Variants in LRRC36 observed in about 807,000 individuals in gnomAD.
LRRC36 encodes the protein leucine-rich repeat-containing protein 36.
LRRC36 carries 62 observed loss-of-function variants against 81.1 expected under a neutral mutation model. The observed-to-expected ratio is 0.76, with a 90% CI of 0.62 to 0.94. LRRC36 has a LOEUF of 0.94. Among genes scored for constraint, LRRC36 ranks in the 40% least tolerant of loss-of-function variants. LRRC36 has a pLI of 0.00. For missense variants in LRRC36, 761 were observed against 881.7 expected, an observed-to-expected ratio of 0.86 and a Z score of 1.73; for synonymous variants, 334 against 348.6, an observed-to-expected ratio of 0.96 and a Z score of 0.47.
rs1439291495 is a variant in LRRC36, at chr16:67,367,177, C to T, written c.915C>T (p.Ala305=). Residue 305 remains alanine (A), a synonymous_variant, in exon 8 of 14, where the codon GCC becomes GCT. Coordinates refer to ENST00000329956, the MANE Select transcript of LRRC36 (RefSeq NM_018296.6). The stretch of plus-strand genomic sequence containing the variant: ...ATACTTTTCATCTTACCCATGATGC[C>T]TCATTGAGTAAATGCCTGGATGTGG... ...KPDTFHLTHD[A]SLSKCLDVGD... is the part of the protein sequence containing the mutation. 1 of 1,614,156 alleles carries T rather than the reference C, an allele frequency of 6.2e-7. No individual in the cohort carries two copies. Among genetic ancestry groups the T allele is most frequent in the Non-Finnish European group, 8.5e-7 (1 of 1,180,026 alleles).
intron 1 of LRRC36, among the ~76,000 whole-genome samples, chr16:67,335,018 A>T (rs558422087): frequency 6.6e-6 from 1 of 152,342 alleles, no homozygotes; most frequent in South Asian, 2.1e-4. Context: ...GCAGGGCGAG[A>T]TCACAGGACC....
intron 1 of LRRC36, among the ~76,000 whole-genome samples, chr16:67,328,359 A>C (rs1446657774): frequency 6.6e-6 from 1 of 151,990 alleles, no homozygotes; most frequent in Non-Finnish European, 1.5e-5. Context: ...AAAATACAAA[A>C]AAAATTAGCG....
At chr16:67,339,977 T>C (rs1383373492) in intron 1 of LRRC36, among the ~76,000 whole-genome samples, 1 of 152,018 alleles carries the variant, frequency 6.6e-6, no homozygotes, top group African/African-American at 2.4e-5. Flanking sequence ...ACCCCGTCTC[T>C]ACTGAAAGTA....
chr16:67,350,637 C>G (rs960233054), intron 5 of LRRC36, among the ~76,000 whole-genome samples: 1 of 152,214 alleles, frequency 6.6e-6, no homozygotes, highest in Non-Finnish European at 1.5e-5. Flanking sequence ...TCCTGGGCTG[C>G]CCAACCAAGA....
In LRRC36 at chr16:67,337,548, C is replaced by T. The variant is rs138617308; in HGVS notation, c.71-4409C>T. Among the ~76,000 whole-genome samples the T allele has an allele frequency of 2.0e-4, 30 of 151,090 alleles. No individual in the cohort carries two copies. The East Asian group carries it at 4.6e-3, about 23-fold the overall frequency. On this transcript the variant is annotated intron_variant, in intron 1 of 13. Transcript: ENST00000329956. ...AATTTTTTTGTATTTTTAGTAGAGACAGGGTTTTGCCATGTTGGTCAGTCT... is the reference window on the plus strand; with the variant it reads ...AATTTTTTTGTATTTTTAGTAGAGATAGGGTTTTGCCATGTTGGTCAGTCT...
At chr16:67,375,503 C>A in intron 10 of LRRC36, 91 bp downstream of exon 10, 1 of 1,115,942 alleles carries the variant, frequency 9.0e-7, no homozygotes, top group Non-Finnish European at 1.2e-6. Context: ...TCTTCACTTG[C>A]AAGGAAAGTT....
chr16:67,342,579 G>A (rs1191345532), intron 2 of LRRC36, among the ~76,000 whole-genome samples: 1 of 152,176 alleles, frequency 6.6e-6, no homozygotes, highest in African/African-American at 2.4e-5. Flanking sequence ...GTCAGGGGAT[G>A]ATGGAGCAGA....
Position 67,347,546 on chromosome 16 carries a change from G to T in LRRC36, c.443G>T (p.Ser148Ile), listed in dbSNP as rs2038410450. The change falls in exon 4 of 14, where the codon AGT (serine) becomes ATT (isoleucine). Residue 148 changes from serine to isoleucine, a missense_variant. Transcript: ENST00000329956. ...AGAAAAGCTGCCAAGCTGCATTTTAGTCAGTTGGGCAACAGTGAAAATTTT... is the reference window on the plus strand; with the variant it reads ...AGAAAAGCTGCCAAGCTGCATTTTATTCAGTTGGGCAACAGTGAAAATTTT... ...GERKAAKLHF[S>I]QLGNSENFLL... is the part of the protein sequence containing the mutation. 5.0e-6 allele frequency: 8 copies of T among 1,613,098 alleles called. No individual in the cohort carries two copies. Among genetic ancestry groups the T allele is most frequent in the Non-Finnish European group, 6.8e-6 (8 of 1,179,216 alleles).
intron 5 of LRRC36, among the ~76,000 whole-genome samples, chr16:67,351,006 C>G (rs1381167744): frequency 1.3e-5 from 2 of 152,120 alleles, no homozygotes; most frequent in Non-Finnish European, 2.9e-5. Flanking sequence ...CCATTGCACT[C>G]CAGCCTAGGC....
intron 12 of LRRC36, among the ~76,000 whole-genome samples, chr16:67,379,792 C>G (rs2040044678): frequency 6.6e-6 from 1 of 152,148 alleles, no homozygotes; most frequent in South Asian, 2.1e-4. Flanking sequence ...TGATCTCAAT[C>G]AAAATACAGA....
intron 5 of LRRC36, chr16:67,362,141 G>A (rs115446393): frequency 0.029 from 12,732 of 443,544 alleles, 366 homozygotes; most frequent in South Asian, 0.063. Flanking sequence ...AACATACAGA[G>A]TGTTCTAATA....
At position 67,375,283 on chromosome 16, in the gene LRRC36, G is replaced by T; in HGVS notation, c.1531G>T (p.Ala511Ser). Residue 511 changes from alanine (A) to serine (S), a missense_variant, in exon 10 of 14, where the codon GCT becomes TCT. By Grantham distance (99) the Ala-to-Ser change is moderately conservative (BLOSUM62 1). Transcript: ENST00000329956. ...SSDLGSLHGL[A>S]GNHSPPISAR... ...TGACCTGGGTAGTTTGCACGGTTTG[G>T]CTGGAAACCACAGTCCCCCCATCTC... 1 of 1,612,540 alleles carries T rather than the reference G, an allele frequency of 6.2e-7. No homozygotes were observed. Among genetic ancestry groups the T allele is most frequent in the African/African-American group, 1.3e-5 (1 of 74,678 alleles).
intron 5 of LRRC36, among the ~76,000 whole-genome samples, chr16:67,358,973 A>G (rs1277962784): frequency 2.0e-5 from 3 of 152,210 alleles, no homozygotes; most frequent in Admixed American, 1.3e-4. Context: ...ATGAAGTAAC[A>G]TGTATAAAAA....
At chr16:67,331,617 T>G (rs566636340) in intron 1 of LRRC36, among the ~76,000 whole-genome samples, 3 of 152,238 alleles carry the variant, frequency 2.0e-5, no homozygotes, top group Non-Finnish European at 4.4e-5. Flanking sequence ...ATTATAGTTC[T>G]TATCATAATT....
Position 67,371,113 on chromosome 16 carries a change from G to C in LRRC36, c.1365G>C (p.Gly455=). 1 of 1,614,220 alleles carries C rather than the reference G, an allele frequency of 6.2e-7. No homozygotes were observed. The highest frequency in any genetic ancestry group is 8.5e-7 in the Non-Finnish European group (1 of 1,180,044). Residue 455 remains glycine (G), a synonymous_variant, in exon 9 of 14, where the codon GGG becomes GGC. Transcript: ENST00000329956. ...TGCGGACACTGCTGTTGTCTCCTGG[G>C]ACTTCAGAACACAGAAAGATTTTTA... is the stretch of plus-strand genomic sequence containing the variant. ...TPLRTLLLSP[G]TSEHRKIFTK...
chr16:67,366,250 T>C (rs2039380340), intron 7 of LRRC36, among the ~76,000 whole-genome samples: 1 of 152,036 alleles, frequency 6.6e-6, no homozygotes, highest in Admixed American at 6.6e-5. Flanking sequence ...CTCAAACTTC[T>C]GGGCTCAAGC....
At chr16:67,341,122 T>C (rs1281473188) in intron 1 of LRRC36, among the ~76,000 whole-genome samples, 1 of 115,738 alleles carries the variant, frequency 8.6e-6, no homozygotes. Context: ...CTATAGAATA[T>C]GTACTCTACA....
At chr16:67,377,632 G>A (rs1399326790) in intron 11 of LRRC36, among the ~76,000 whole-genome samples, 4 of 141,794 alleles carry the variant, frequency 2.8e-5, no homozygotes, top group South Asian at 2.3e-4. Flanking sequence ...GCACCTGGCC[G>A]CCTTTTTTCT....
Position 67,367,304 on chromosome 16 carries a change from G to A in LRRC36, c.1042G>A (p.Gly348Ser), listed in dbSNP as rs957608328. ...AACTCTATCCCTGCATGGAAGTCTT[G>A]GTAAAAGGCCTCAGAGAAGCAAGAA... Reference protein sequence around the residue: ...SQTLSLHGSLGKRPQRSKNYQ... With the variant: ...SQTLSLHGSLSKRPQRSKNYQ... The change falls in exon 8 of 14, where the codon GGT (glycine) becomes AGT (serine). Residue 348 changes from glycine (G) to serine (S), a missense_variant. Coordinates refer to ENST00000329956, the MANE Select transcript of LRRC36 (RefSeq NM_018296.6). 4 of 1,613,918 alleles carry A rather than the reference G, an allele frequency of 2.5e-6. No homozygotes were observed. The highest frequency in any genetic ancestry group is 1.3e-5 in the African/African-American group (1 of 74,890).
Sources: allele counts gnomAD v4.1 joint callset (sites outside exome capture counted in the v4.1 genomes callset), GRCh38; gene constraint gnomAD v4.1.1; transcripts MANE v1.5; gene names NCBI Gene and HGNC (gene_info 2026-07-23, HGNC 2026-07-21).